LRRC69: variants seen among roughly 807,000 people sequenced by gnomAD.
The protein encoded by LRRC69 is leucine-rich repeat-containing protein 69.
In LRRC69, 42 loss-of-function variants were observed where a neutral mutation model predicts 37.8. That is an observed-to-expected ratio of 1.11 (90% confidence interval 0.87 to 1.44). LRRC69 has a LOEUF of 1.44. LRRC69 is among the 40% of genes most tolerant of loss of function. The pLI is 0.00. For synonymous variants in LRRC69, 141 were observed against 143.1 expected (o/e 0.99, Z 0.11); for missense variants, 357 against 401.9 (o/e 0.89, Z 0.96).
intron 5 of LRRC69, among the ~76,000 whole-genome samples, chr8:91,144,128 T>C (rs953380030): frequency 2.6e-5 from 4 of 152,006 alleles, no homozygotes; most frequent in African/African-American, 7.2e-5. Context: ...TGTTATTTTC[T>C]TGTCATTTTA....
chr8:91,197,567 C>A (rs1270857258), intron 6 of LRRC69, among the ~76,000 whole-genome samples: 1 of 152,076 alleles, frequency 6.6e-6, no homozygotes, highest in African/African-American at 2.4e-5. Flanking sequence ...TTAAGCCCGT[C>A]GGAAAAGCGC....
At chr8:91,138,993 G>A (rs1452290276) in intron 5 of LRRC69, 1 of 151,146 alleles carries the variant, frequency 6.6e-6, no homozygotes, top group Non-Finnish European at 1.5e-5. Flanking sequence ...GGAGGTAGAG[G>A]TTGCAGTAAG....
In LRRC69 at chr8:91,155,115, C is replaced by G. The variant is rs572560241; in HGVS notation, c.651+19376C>G. Among the ~76,000 whole-genome samples, 6 of 151,454 alleles carry G rather than the reference C, an allele frequency of 4.0e-5. No homozygotes were observed. In the East Asian group the frequency reaches 7.8e-4, roughly 20 times the overall value. ...AGAGAGCCAAATCATGAATGAACTTCCATTCACAATTGCTACAAAGAGATT... is the reference window on the plus strand; with the variant it reads ...AGAGAGCCAAATCATGAATGAACTTGCATTCACAATTGCTACAAAGAGATT... On this transcript the variant is annotated intron_variant, in intron 5 of 7. Coordinates refer to ENST00000448384, the Ensembl canonical transcript of LRRC69.
chr8:91,106,968 A>T (rs546766920), intron 1 of LRRC69, among the ~76,000 whole-genome samples: 36 of 136,960 alleles, frequency 2.6e-4, no homozygotes, highest in Admixed American at 1.2e-3. Flanking sequence ...AATTAAAAAA[A>T]TTTTTTTTTT....
chr8:91,140,228 T>G (rs1325504040), intron 5 of LRRC69, among the ~76,000 whole-genome samples: 1 of 151,924 alleles, frequency 6.6e-6, no homozygotes, highest in Non-Finnish European at 1.5e-5. Flanking sequence ...CATTGCACAA[T>G]TTTAGAACAT....
intron 5 of LRRC69, among the ~76,000 whole-genome samples, chr8:91,145,937 C>G (rs2130536613): frequency 6.6e-6 from 1 of 151,874 alleles, no homozygotes; most frequent in South Asian, 2.1e-4. Context: ...ATCCTTGATG[C>G]AATGGTGATT....
chr8:91,124,735 AT>A, intron 2 of LRRC69, 116 bp downstream of exon 2: 1 of 834,568 alleles, frequency 1.2e-6, no homozygotes. Flanking sequence ...TGTTGGAGAT[AT>A]TTACATACTA....
chr8:91,200,821 G>A, intron 7 of LRRC69, 29 bp downstream of exon 7: 1 of 1,492,604 alleles, frequency 6.7e-7, no homozygotes, highest in Admixed American at 2.6e-5. Flanking sequence ...GCGAATATGA[G>A]CATAATACTG....
At chr8:91,139,230 A>C (rs954213466) in intron 5 of LRRC69, 1 of 151,914 alleles carries the variant, frequency 6.6e-6, no homozygotes, top group African/African-American at 2.4e-5. Flanking sequence ...GTGAAGCAAA[A>C]CAAAAGTATG....
At chr8:91,120,532 G>A (rs1183310033) in intron 1 of LRRC69, among the ~76,000 whole-genome samples, 2 of 152,116 alleles carry the variant, frequency 1.3e-5, no homozygotes, top group African/African-American at 2.4e-5. Flanking sequence ...CAGAGGCAAA[G>A]GGGTTGGGCT....
chr8:91,118,270 T>C (rs1388079873), intron 1 of LRRC69: 1 of 448,446 alleles, frequency 2.2e-6, no homozygotes, highest in Non-Finnish European at 4.4e-6. Context: ...TTTGGGAGGC[T>C]GAGGCAGGCG....
At chr8:91,111,923 T>C (rs1223649207) in intron 1 of LRRC69, among the ~76,000 whole-genome samples, 1 of 151,858 alleles carries the variant, frequency 6.6e-6, no homozygotes, top group Non-Finnish European at 1.5e-5. Context: ...CAAGTCATTA[T>C]AATATAAATA....
chr8:91,158,617 G>A (rs1808882008), intron 5 of LRRC69: 2 of 1,421,716 alleles, frequency 1.4e-6, no homozygotes, highest in African/African-American at 1.4e-5. Flanking sequence ...ATTTTCCCTG[G>A]AACATACCAA....
chr8:91,131,973 TC>T (rs916808983), intron 3 of LRRC69, among the ~76,000 whole-genome samples: 9 of 151,960 alleles, frequency 5.9e-5, no homozygotes, highest in African/African-American at 2.2e-4. Flanking sequence ...CTGCCCATTT[TC>T]TTTTGTTGTT....
intron 1 of LRRC69, among the ~76,000 whole-genome samples, chr8:91,116,273 C>T (rs184888091): frequency 1.4e-4 from 22 of 152,052 alleles, no homozygotes; most frequent in Admixed American, 1.3e-4. Flanking sequence ...ATTAAACTGT[C>T]TCTAATCCTT....
chr8:91,217,639 GCT>G (rs1176053508), intron 7 of LRRC69, among the ~76,000 whole-genome samples: 1 of 152,122 alleles, frequency 6.6e-6, no homozygotes, highest in Non-Finnish European at 1.5e-5. Flanking sequence ...GAGAAAAGTT[GCT>G]CTCTCACTCC....
intron 3 of LRRC69, among the ~76,000 whole-genome samples, chr8:91,131,500 ATC>A (rs1813809204): frequency 2.0e-5 from 3 of 152,092 alleles, no homozygotes; most frequent in African/African-American, 7.2e-5. Context: ...AATATAATAT[ATC>A]TCTACTTTTA....
At chr8:91,187,922 C>G (rs764975270) in intron 5 of LRRC69, among the ~76,000 whole-genome samples, 3 of 152,076 alleles carry the variant, frequency 2.0e-5, no homozygotes, top group Non-Finnish European at 4.4e-5. Context: ...ACATTGATCT[C>G]TCTGTATTGG....
exon 4 of LRRC69, chr8:91,133,292 G>T: frequency 6.7e-7 from 1 of 1,503,748 alleles, no homozygotes; most frequent in Non-Finnish European, 8.8e-7. Flanking sequence ...AACAACATTG[G>T]AGTTTTGCCG....
Sources: allele counts gnomAD v4.1 joint callset (sites outside exome capture counted in the v4.1 genomes callset), GRCh38; gene constraint gnomAD v4.1.1; transcripts MANE v1.5; gene names NCBI Gene and HGNC (gene_info 2026-07-23, HGNC 2026-07-21).